The following SLC9A4 variants were observed in gnomAD, a reference collection of about 807,000 sequenced individuals.
SLC9A4 encodes the protein solute carrier family 9 member A4.
Under a neutral mutation model 67.4 loss-of-function variants are expected in SLC9A4, and 63 were observed. That is an observed-to-expected ratio of 0.93 (90% CI 0.76 to 1.15). The LOEUF (loss-of-function observed/expected upper bound fraction) is 1.15, where lower values mean the gene tolerates loss of function less well. SLC9A4 is among the 50% of genes most tolerant of loss of function. The pLI, the probability that SLC9A4 is intolerant of heterozygous loss-of-function variation, is 0.00. For missense variants in SLC9A4, 1,089 were observed against 987.7 expected (o/e 1.10, Z -1.38); for synonymous variants, 393 against 367.2 (o/e 1.07, Z -0.80).
chr2:102,496,089 T>C (rs1470122516), intron 2 of SLC9A4, among the ~76,000 whole-genome samples: 14 of 152,198 alleles, frequency 9.2e-5, no homozygotes, highest in Non-Finnish European at 1.9e-4. Flanking sequence ...AAAAGCAAGC[T>C]ACATATGAAA....
chr2:102,523,548 A>G (rs1674594443), intron 9 of SLC9A4, among the ~76,000 whole-genome samples: 1 of 152,174 alleles, frequency 6.6e-6, no homozygotes, highest in Non-Finnish European at 1.5e-5. Flanking sequence ...TGTTTGGATA[A>G]AAATCAATAG....
At chr2:102,490,683 T>C (rs1033584575) in intron 2 of SLC9A4, among the ~76,000 whole-genome samples, 6 of 152,176 alleles carry the variant, frequency 3.9e-5, no homozygotes, top group African/African-American at 1.4e-4. Flanking sequence ...ATAAGTGCTT[T>C]ATGATGAGGT....
Position 102,505,400 on chromosome 2 carries a change from G to A in SLC9A4, c.1127G>A (p.Gly376Asp), listed in dbSNP as rs760283436. The A allele has an allele frequency of 2.5e-6, 4 of 1,614,106 alleles. No individual in the cohort carries two copies. Among genetic ancestry groups the A allele is most frequent in the Non-Finnish European group, 3.4e-6 (4 of 1,180,060 alleles). ...IFIFMGVSTV[G>D]KNHEWNWAFI... ...ATCTTCATGGGTGTGTCCACTGTGG[G>A]CAAGAATCACGAGTGGAACTGGGCC... Residue 376 changes from glycine (G) to aspartate (D), a missense_variant, in exon 4 of 12, where the codon GGC becomes GAC. Coordinates refer to ENST00000295269, the MANE Select transcript of SLC9A4 (RefSeq NM_001011552.4).
chr2:102,531,739 A>T (rs934122349), intron 11 of SLC9A4, among the ~76,000 whole-genome samples: 1 of 152,182 alleles, frequency 6.6e-6, no homozygotes, highest in Non-Finnish European at 1.5e-5. Flanking sequence ...CAGGAAAGGG[A>T]AGTTCCCATC....
chr2:102,483,741 C>A (rs149719783), intron 2 of SLC9A4, among the ~76,000 whole-genome samples: 1 of 146,356 alleles, frequency 6.8e-6, no homozygotes, highest in Non-Finnish European at 1.5e-5. Flanking sequence ...ATGGTTACAA[C>A]GTGAGAAGAT....
Position 102,488,140 on chromosome 2 carries a change from G to A in SLC9A4, c.720+8838G>A, listed in dbSNP as rs540141962. Among the ~76,000 whole-genome samples the A allele has an allele frequency of 6.6e-5, 10 of 152,194 alleles. No homozygotes were observed. In the East Asian group the frequency reaches 1.9e-3, roughly 29 times the overall value. On this transcript the variant is annotated intron_variant, in intron 2 of 11. Coordinates refer to ENST00000295269, the MANE Select transcript of SLC9A4 (RefSeq NM_001011552.4). ...AGCGTAGAGCTTCAAGCACAGCCTG[G>A]GGACTTTCCTAGTCCTGTGGTTTTC...
At chr2:102,500,446 T>C (rs777198648) in intron 2 of SLC9A4, among the ~76,000 whole-genome samples, 1 of 152,148 alleles carries the variant, frequency 6.6e-6, no homozygotes, top group African/African-American at 2.4e-5. Flanking sequence ...AGGAGAGTCA[T>C]ATAGGAGTCA....
intron 2 of SLC9A4, among the ~76,000 whole-genome samples, chr2:102,491,123 G>A (rs375449035): frequency 2.0e-5 from 3 of 152,138 alleles, no homozygotes; most frequent in Non-Finnish European, 4.4e-5. Context: ...ATCACATGGT[G>A]ACAACCAACC....
intron 6 of SLC9A4, among the ~76,000 whole-genome samples, chr2:102,509,531 T>A (rs990972747): frequency 6.6e-5 from 10 of 152,342 alleles, no homozygotes; most frequent in African/African-American, 2.4e-4. Context: ...CTGCCGTCTG[T>A]CTCCCAAAGA....
At chr2:102,503,311 G>T in intron 2 of SLC9A4, 137 bp from the exon 3 acceptor site, 2 of 802,134 alleles carry the variant, frequency 2.5e-6, no homozygotes, top group South Asian at 3.9e-5. Flanking sequence ...CAGTTAAAAG[G>T]CAGTCATCTT....
At chr2:102,517,136 T>A (rs1380757204) in intron 8 of SLC9A4, among the ~76,000 whole-genome samples, 2 of 152,204 alleles carry the variant, frequency 1.3e-5, no homozygotes, top group Admixed American at 6.5e-5. Flanking sequence ...AGGAGCAGCA[T>A]CATCTCAGCC....
intron 3 of SLC9A4, among the ~76,000 whole-genome samples, chr2:102,504,657 C>G (rs368533430): frequency 1.3e-5 from 2 of 152,184 alleles, no homozygotes; most frequent in African/African-American, 4.8e-5. Context: ...TAGAGAAATA[C>G]CTCTTTCAAT....
At chr2:102,485,454 T>A (rs79196856) in intron 2 of SLC9A4, among the ~76,000 whole-genome samples, 15,650 of 152,232 alleles carry the variant, frequency 0.1, 1,027 homozygotes, top group Middle Eastern at 0.18. Context: ...AGATTCTATA[T>A]CTCCTGATCC....
At chr2:102,495,687 C>T (rs1684791862) in intron 2 of SLC9A4, among the ~76,000 whole-genome samples, 1 of 152,064 alleles carries the variant, frequency 6.6e-6, no homozygotes, top group Non-Finnish European at 1.5e-5. Context: ...ATGAAAGAGA[C>T]TGGAGAGTTT....
chr2:102,490,520 C>G (rs543573704), intron 2 of SLC9A4, among the ~76,000 whole-genome samples: 8 of 152,300 alleles, frequency 5.3e-5, no homozygotes, highest in African/African-American at 1.9e-4. Flanking sequence ...AGGCCCCACC[C>G]TTATGATCTC....
chr2:102,481,612 A>G (rs1306392269), intron 2 of SLC9A4, among the ~76,000 whole-genome samples: 1 of 152,186 alleles, frequency 6.6e-6, no homozygotes, highest in Non-Finnish European at 1.5e-5. Context: ...TAAAAAAAAG[A>G]TTTATAGGAA....
intron 2 of SLC9A4, among the ~76,000 whole-genome samples, chr2:102,490,922 C>A (rs1684685073): frequency 6.6e-6 from 1 of 152,224 alleles, no homozygotes; most frequent in Admixed American, 6.5e-5. Flanking sequence ...GCTTATAGAG[C>A]AGTTACCATA....
intron 2 of SLC9A4, among the ~76,000 whole-genome samples, chr2:102,492,578 T>A (rs576857345): frequency 1.3e-5 from 2 of 152,066 alleles, no homozygotes; most frequent in African/African-American, 4.8e-5. Flanking sequence ...CCGTACCATG[T>A]CCTAAGGCTG....
At chr2:102,513,731 T>C (rs1283461563) in intron 7 of SLC9A4, among the ~76,000 whole-genome samples, 3 of 152,230 alleles carry the variant, frequency 2.0e-5, no homozygotes, top group Non-Finnish European at 2.9e-5. Flanking sequence ...GGAACACTTA[T>C]TCAAAAGCTT....
Sources: gnomAD v4.1 joint callset for allele counts (sites outside exome capture counted in the v4.1 genomes callset) on GRCh38, gnomAD v4.1.1 for gene constraint, MANE v1.5 for transcripts, NCBI Gene and HGNC (gene_info 2026-07-23, HGNC 2026-07-21) for gene names.